PALM2AKAP2: variants seen among roughly 807,000 people sequenced by gnomAD.
The protein encoded by PALM2AKAP2 is PALM2-AKAP2 fusion protein.
PALM2AKAP2 carries 37 observed loss-of-function variants against 71.5 expected under a neutral mutation model. That is an observed-to-expected ratio of 0.52 (90% CI 0.40 to 0.68). The LOEUF (loss-of-function observed/expected upper bound fraction) is 0.68, where lower values mean the gene tolerates loss of function less well. PALM2AKAP2 is among the 30% of genes least tolerant of loss of function. The probability of loss-of-function intolerance (pLI) is 0.00; values close to 1 mark genes in which losing one functional copy is unlikely to be tolerated. For synonymous variants in PALM2AKAP2, 468 were observed against 478.8 expected, an observed-to-expected ratio of 0.98 and a Z score of 0.29; for missense variants, 1,224 against 1,191.8, an observed-to-expected ratio of 1.03 and a Z score of -0.40.
intron 3 of PALM2AKAP2, among the ~76,000 whole-genome samples, chr9:109,919,151 A>T (rs1362053809): frequency 6.6e-6 from 1 of 152,184 alleles, no homozygotes; most frequent in African/African-American, 2.4e-5. Context: ...TTGTTTTAGA[A>T]TCCCCTGTAG....
At chr9:109,923,480 G>A (rs991896692) in intron 3 of PALM2AKAP2, among the ~76,000 whole-genome samples, 3 of 152,166 alleles carry the variant, frequency 2.0e-5, no homozygotes, top group Non-Finnish European at 4.4e-5. Context: ...GGGAAACATC[G>A]AAACATATTG....
chr9:109,742,488 C>A (rs1461128182), intron 1 of PALM2AKAP2, among the ~76,000 whole-genome samples: 1 of 151,978 alleles, frequency 6.6e-6, no homozygotes, highest in Non-Finnish European at 1.5e-5. Context: ...GATGGCAATC[C>A]CAGTTTACCT....
chr9:109,955,898 C>T (rs1360737645), intron 6 of PALM2AKAP2, among the ~76,000 whole-genome samples: 3 of 151,176 alleles, frequency 2.0e-5, no homozygotes, highest in African/African-American at 7.3e-5. Flanking sequence ...GATCGTGCCA[C>T]TGCACTCCAA....
chr9:110,048,456 T>A (rs1319482346), upstream of PALM2AKAP2: 1 of 508,058 alleles, frequency 2.0e-6, no homozygotes, highest in African/African-American at 2.1e-5. Context: ...GCCCCATCCA[T>A]CCCTCCGTCT....
At chr9:109,719,952 C>T (rs1393791062) in intron 1 of PALM2AKAP2, among the ~76,000 whole-genome samples, 6 of 152,060 alleles carry the variant, frequency 3.9e-5, no homozygotes, top group Non-Finnish European at 7.4e-5. Flanking sequence ...ACACAATAAA[C>T]ATGATAGCTA....
intron 1 of PALM2AKAP2, among the ~76,000 whole-genome samples, chr9:110,132,708 C>T (rs1835761510): frequency 6.6e-6 from 1 of 151,980 alleles, no homozygotes; most frequent in African/African-American, 2.4e-5. Context: ...CTCCGCTCTC[C>T]AGGTTGAAGC....
rs141736893 is a variant in PALM2AKAP2, at chr9:110,116,507, C to T, written c.157-19620C>T. 1.5e-3 allele frequency among the ~76,000 whole-genome samples: 234 copies of T among 152,260 alleles called. 1 individual carries two copies. The highest frequency in any genetic ancestry group is 0.014 in the Middle Eastern group (4 of 294). ...ATGGAACAAAAAAAAATGACTATTG[C>T]TTAGAATAATGGATAAGCCGGCCTC... On this transcript the variant is annotated intron_variant, in intron 1 of 3. Coordinates refer to ENST00000374525, the Ensembl canonical transcript of PALM2AKAP2.
intron 1 of PALM2AKAP2, among the ~76,000 whole-genome samples, chr9:110,080,911 C>G (rs1330799765): frequency 1.3e-5 from 2 of 152,192 alleles, no homozygotes; most frequent in Non-Finnish European, 2.9e-5. Context: ...AACTCCCAAC[C>G]TCAGGTGATC....
intron 1 of PALM2AKAP2, among the ~76,000 whole-genome samples, chr9:109,705,458 G>T (rs1828128215): frequency 1.3e-5 from 2 of 152,140 alleles, no homozygotes; most frequent in African/African-American, 4.8e-5. Flanking sequence ...TGTGTCACTT[G>T]TGTCCCCCAC....
intron 1 of PALM2AKAP2, among the ~76,000 whole-genome samples, chr9:109,706,405 A>G (rs981068630): frequency 2.6e-5 from 4 of 152,306 alleles, no homozygotes; most frequent in African/African-American, 7.2e-5. Context: ...ACAAATAATA[A>G]CAAGTATTGG....
intron 1 of PALM2AKAP2, among the ~76,000 whole-genome samples, chr9:109,863,090 C>G (rs1829358821): frequency 1.3e-5 from 2 of 152,196 alleles, no homozygotes; most frequent in African/African-American, 2.4e-5. Context: ...TAGAATATCA[C>G]TCTGGCAGCA....
At chr9:109,686,847 G>GC (rs1827812600) in intron 1 of PALM2AKAP2, among the ~76,000 whole-genome samples, 2 of 120,298 alleles carry the variant, frequency 1.7e-5, no homozygotes, top group South Asian at 5.4e-4. Context: ...CCCACAACAG[G>GC]CCCCGGTGTG....
intron 1 of PALM2AKAP2, among the ~76,000 whole-genome samples, chr9:110,083,895 TG>T (rs1476579203): frequency 6.6e-6 from 1 of 152,194 alleles, no homozygotes; most frequent in Non-Finnish European, 1.5e-5. Context: ...CTGGAGAAGA[TG>T]GTCCACTGAG....
upstream of PALM2AKAP2, among the ~76,000 whole-genome samples, chr9:109,776,606 G>T (rs1170492088): frequency 1.3e-5 from 2 of 152,200 alleles, no homozygotes; most frequent in African/African-American, 4.8e-5. Flanking sequence ...GGGGATCTGG[G>T]GAACAAGTGT....
At chr9:109,911,911 G>A (rs533616616) in intron 3 of PALM2AKAP2, among the ~76,000 whole-genome samples, 1 of 152,194 alleles carries the variant, frequency 6.6e-6, no homozygotes, top group Non-Finnish European at 1.5e-5. Flanking sequence ...AAGGCAGAGT[G>A]TACCAAAAGT....
At chr9:110,056,670 A>T (rs1443147515) in intron 1 of PALM2AKAP2, among the ~76,000 whole-genome samples, 3 of 152,220 alleles carry the variant, frequency 2.0e-5, no homozygotes. Flanking sequence ...TTTGGGGGAA[A>T]AAATGAACAG....
chr9:109,791,782 G>A (rs557803131), intron 1 of PALM2AKAP2, among the ~76,000 whole-genome samples: 2 of 152,330 alleles, frequency 1.3e-5, no homozygotes, highest in East Asian at 1.9e-4. Flanking sequence ...GGCACTGTGT[G>A]GGAATTTGAG....
At chr9:109,762,642 A>G (rs1236660066) in intron 1 of PALM2AKAP2, among the ~76,000 whole-genome samples, 1 of 151,970 alleles carries the variant, frequency 6.6e-6, no homozygotes, top group Non-Finnish European at 1.5e-5. Flanking sequence ...GGCCAATGTA[A>G]GTCACTCACT....
intron 3 of PALM2AKAP2, among the ~76,000 whole-genome samples, chr9:110,163,228 A>C (rs1400838771): frequency 6.6e-6 from 1 of 152,128 alleles, no homozygotes; most frequent in African/African-American, 2.4e-5. Context: ...TCTAGAGAGA[A>C]TCATTCGTTC....
Sources: allele counts gnomAD v4.1 joint callset (sites outside exome capture counted in the v4.1 genomes callset), GRCh38; gene constraint gnomAD v4.1.1; transcripts MANE v1.5; gene names NCBI Gene and HGNC (gene_info 2026-07-23, HGNC 2026-07-21).